Variants in SV2C observed in about 807,000 individuals in gnomAD.
SV2C encodes synaptic vesicle glycoprotein 2C.
In SV2C, 49 loss-of-function variants were observed where a neutral mutation model predicts 79.7. The ratio of observed to expected loss-of-function variants is 0.61; its 90% CI spans 0.49 to 0.78. The LOEUF (loss-of-function observed/expected upper bound fraction) is 0.78, where lower values mean the gene tolerates loss of function less well. SV2C is among the 30% of genes least tolerant of loss of function. SV2C has a pLI of 0.00. For missense variants in SV2C, 833 were observed against 912.9 expected, an observed-to-expected ratio of 0.91 and a Z score of 1.13; for synonymous variants, 334 against 333.2, an observed-to-expected ratio of 1.00 and a Z score of -0.03.
the SV2C span, among the ~76,000 whole-genome samples, chr5:75,936,829 A>G: frequency 1.3e-5 from 2 of 152,202 alleles, no homozygotes; most frequent in Admixed American, 1.3e-4. Flanking sequence ...TTATGAGAGG[A>G]ACTGATTGCC....
intron 12 of SV2C, among the ~76,000 whole-genome samples, chr5:76,309,277 A>G (rs975882005): frequency 1.3e-5 from 2 of 152,094 alleles, no homozygotes; most frequent in Non-Finnish European, 2.9e-5. Flanking sequence ...GGCCAGAAAG[A>G]AGGCAGGGAG....
chr5:75,888,945 G>A, the SV2C span, among the ~76,000 whole-genome samples: 4 of 152,066 alleles, frequency 2.6e-5, no homozygotes, highest in Non-Finnish European at 5.9e-5. Flanking sequence ...AGATCAGGAT[G>A]TCAGCAGGGT....
chr5:76,189,246 G>A (rs1371761673), intron 2 of SV2C, among the ~76,000 whole-genome samples: 4 of 151,858 alleles, frequency 2.6e-5, no homozygotes, highest in Non-Finnish European at 5.9e-5. Flanking sequence ...GAGAGACGGA[G>A]CTTACACTGA....
chr5:76,252,480 C>A (rs1297284691), intron 4 of SV2C, among the ~76,000 whole-genome samples: 1 of 152,188 alleles, frequency 6.6e-6, no homozygotes, highest in Non-Finnish European at 1.5e-5. Context: ...AGCACTCTTT[C>A]CTTAAACTGA....
the SV2C span, among the ~76,000 whole-genome samples, chr5:76,003,808 C>T: frequency 3.9e-5 from 6 of 151,962 alleles, no homozygotes; most frequent in African/African-American, 1.5e-4. Flanking sequence ...CATCATATTG[C>T]CCAGGGCCAT....
At chr5:75,898,443 T>G in the SV2C span, among the ~76,000 whole-genome samples, 4 of 152,192 alleles carry the variant, frequency 2.6e-5, no homozygotes, top group Admixed American at 6.5e-5. Flanking sequence ...GGATAAGCTT[T>G]TCGATGTGCT....
the SV2C span, among the ~76,000 whole-genome samples, chr5:76,007,963 G>C: frequency 1.3e-5 from 2 of 152,230 alleles, no homozygotes; most frequent in African/African-American, 4.8e-5. Flanking sequence ...ATCCTTGCCT[G>C]GGTCAAGGTC....
chr5:76,285,811 C>T lies in SV2C; in HGVS notation c.1078C>T (p.Leu360=). 1.9e-6 allele frequency: 3 copies of T among 1,614,082 alleles called. No homozygotes were observed. Among genetic ancestry groups the T allele is most frequent in the Non-Finnish European group, 2.5e-6 (3 of 1,179,980 alleles). Residue 360 remains leucine, a synonymous_variant, in exon 6 of 13, where the codon CTG becomes TTG. Coordinates refer to ENST00000502798, the MANE Select transcript of SV2C (RefSeq NM_014979.4). ...VGKHDEAWMI[L]KLIHDTNMRA... ...AAAACATGATGAAGCTTGGATGATT[C>T]TGAAGTTAATTCATGACACCAACAT...
the SV2C span, among the ~76,000 whole-genome samples, chr5:75,864,883 C>T: frequency 6.6e-6 from 1 of 152,138 alleles, no homozygotes; most frequent in African/African-American, 2.4e-5. Flanking sequence ...AAGCTACCAG[C>T]TTTGAGTGGG....
chr5:76,178,899 T>C (rs957820511), intron 2 of SV2C, among the ~76,000 whole-genome samples: 2 of 152,234 alleles, frequency 1.3e-5, no homozygotes, highest in African/African-American at 4.8e-5. Flanking sequence ...CATAGCTTTA[T>C]GTGAGGAGGA....
At chr5:76,144,417 A>G (rs1749355762) in intron 2 of SV2C, among the ~76,000 whole-genome samples, 1 of 152,130 alleles carries the variant, frequency 6.6e-6, no homozygotes, top group Non-Finnish European at 1.5e-5. Context: ...GTGGGGTTGG[A>G]ATCCAGCCCT....
At chr5:76,133,058 A>G (rs1450085671) in intron 2 of SV2C, among the ~76,000 whole-genome samples, 2 of 152,130 alleles carry the variant, frequency 1.3e-5, no homozygotes, top group Admixed American at 1.3e-4. Flanking sequence ...TGAAGTTACC[A>G]TGGACTCAGG....
chr5:76,034,792 T>C, the SV2C span, among the ~76,000 whole-genome samples: 3 of 152,364 alleles, frequency 2.0e-5, no homozygotes, highest in East Asian at 5.8e-4. Context: ...TTCCCTCTTT[T>C]TCTATTGATT....
intron 4 of SV2C, chr5:76,242,301 C>T (rs1745812505): frequency 8.3e-6 from 12 of 1,446,804 alleles, no homozygotes; most frequent in African/African-American, 4.2e-5. Flanking sequence ...GGCATGGTGG[C>T]GGCAGCGACG....
the SV2C span, among the ~76,000 whole-genome samples, chr5:75,888,036 TG>T: frequency 3.3e-5 from 5 of 152,184 alleles, no homozygotes; most frequent in Non-Finnish European, 7.4e-5. Flanking sequence ...AGTGTTCAAT[TG>T]TTTTTTTAAA....
intron 4 of SV2C, among the ~76,000 whole-genome samples, chr5:76,239,338 G>A (rs765380777): frequency 1.3e-5 from 2 of 152,156 alleles, no homozygotes; most frequent in African/African-American, 2.4e-5. Context: ...GGAATCAAAG[G>A]AGATAGCAGA....
chr5:75,894,122 C>T, the SV2C span, among the ~76,000 whole-genome samples: 1 of 151,998 alleles, frequency 6.6e-6, no homozygotes, highest in Admixed American at 6.6e-5. Flanking sequence ...ATTATACAGA[C>T]AGATTGGAGA....
intron 1 of SV2C, among the ~76,000 whole-genome samples, chr5:76,128,385 C>G (rs1287682668): frequency 6.6e-6 from 1 of 152,068 alleles, no homozygotes; most frequent in East Asian, 1.9e-4. Flanking sequence ...TTTAGAGAAG[C>G]GGTTATAAAA....
chr5:75,896,050 T>G, the SV2C span, among the ~76,000 whole-genome samples: 17 of 151,922 alleles, frequency 1.1e-4, no homozygotes, highest in Non-Finnish European at 1.5e-5. Flanking sequence ...AATTGGATAG[T>G]TCTTTTTTTA....
Sources: gnomAD v4.1 joint callset for allele counts (sites outside exome capture counted in the v4.1 genomes callset) on GRCh38, gnomAD v4.1.1 for gene constraint, MANE v1.5 for transcripts, NCBI Gene and HGNC (gene_info 2026-07-23, HGNC 2026-07-21) for gene names.